Variants in MARCHF1 observed in about 807,000 individuals in gnomAD.
MARCHF1 encodes the protein E3 ubiquitin-protein ligase MARCHF1.
In MARCHF1, 40 loss-of-function variants were observed where a neutral mutation model predicts 54.2. The ratio of observed to expected loss-of-function variants is 0.74; its 90% CI spans 0.57 to 0.96. The LOEUF (loss-of-function observed/expected upper bound fraction) is 0.96, where lower values mean the gene tolerates loss of function less well. MARCHF1 is among the 40% of genes least tolerant of loss of function. MARCHF1 has a pLI of 0.00. For synonymous variants in MARCHF1, 236 were observed against 236.3 expected (o/e 1.00, Z 0.01); for missense variants, 586 against 656.5 (o/e 0.89, Z 1.17).
intron 4 of MARCHF1, among the ~76,000 whole-genome samples, chr4:163,724,361 C>T (rs535049700): frequency 2.6e-5 from 4 of 152,350 alleles, no homozygotes; most frequent in Non-Finnish European, 4.4e-5. Flanking sequence ...CCTGATCGTT[C>T]CTCTGGAAGC....
intron 2 of MARCHF1, among the ~76,000 whole-genome samples, chr4:164,094,561 G>A (rs936387553): frequency 6.6e-6 from 1 of 152,168 alleles, no homozygotes; most frequent in East Asian, 1.9e-4. Context: ...AGAGAGCAAG[G>A]GAATAGGAAT....
chr4:163,713,522 A>T (rs1369190065), intron 4 of MARCHF1, among the ~76,000 whole-genome samples: 1 of 152,188 alleles, frequency 6.6e-6, no homozygotes, highest in African/African-American at 2.4e-5. Flanking sequence ...TTTAGCATGG[A>T]ACATAATGTG....
intron 3 of MARCHF1, among the ~76,000 whole-genome samples, chr4:163,979,850 C>T (rs1272680852): frequency 2.6e-5 from 4 of 151,992 alleles, no homozygotes; most frequent in Admixed American, 2.6e-4. Flanking sequence ...ATGTCCTTCA[C>T]CCACTTTTTG....
intron 3 of MARCHF1, among the ~76,000 whole-genome samples, chr4:163,859,541 A>G (rs1257923915): frequency 6.6e-6 from 1 of 151,950 alleles, no homozygotes; most frequent in Non-Finnish European, 1.5e-5. Flanking sequence ...TTGGATTTTT[A>G]GTAGAGACAG....
At chr4:163,679,452 C>CA (rs1744025779) in intron 5 of MARCHF1, among the ~76,000 whole-genome samples, 1 of 152,226 alleles carries the variant, frequency 6.6e-6, no homozygotes, top group African/African-American at 2.4e-5. Flanking sequence ...ATCTGAACAT[C>CA]ATCTTAGTCT....
chr4:163,722,405 T>C (rs1222598662), intron 4 of MARCHF1, among the ~76,000 whole-genome samples: 1 of 152,222 alleles, frequency 6.6e-6, no homozygotes, highest in Non-Finnish European at 1.5e-5. Context: ...CAGTTTGTTA[T>C]AATTTCTGTT....
chr4:163,584,172 C>T (rs1163775431), intron 8 of MARCHF1: 5 of 150,852 alleles, frequency 3.3e-5, no homozygotes, highest in Non-Finnish European at 7.4e-5. Flanking sequence ...TTCTCAGCAG[C>T]ATGTTTTTTA....
intron 1 of MARCHF1, among the ~76,000 whole-genome samples, chr4:164,296,760 CT>C (rs1361294036): frequency 6.6e-6 from 1 of 152,154 alleles, no homozygotes; most frequent in Non-Finnish European, 1.5e-5. Context: ...ATGCACATCA[CT>C]TGTAATATGG....
intron 3 of MARCHF1, among the ~76,000 whole-genome samples, chr4:163,931,977 T>G (rs1024326614): frequency 6.6e-6 from 1 of 152,208 alleles, no homozygotes; most frequent in African/African-American, 2.4e-5. Flanking sequence ...AATATTGCAA[T>G]AAAGTGAGTC....
At chr4:163,914,637 T>A (rs1360008702) in intron 3 of MARCHF1, among the ~76,000 whole-genome samples, 1 of 152,102 alleles carries the variant, frequency 6.6e-6, no homozygotes, top group African/African-American at 2.4e-5. Flanking sequence ...CCAAGTACAA[T>A]GAAAAATGTC....
intron 1 of MARCHF1, among the ~76,000 whole-genome samples, chr4:164,372,839 C>T (rs776640511): frequency 6.6e-6 from 1 of 151,892 alleles, no homozygotes; most frequent in African/African-American, 2.4e-5. Flanking sequence ...CAAAATGATA[C>T]CAGTCATAAA....
intron 1 of MARCHF1, among the ~76,000 whole-genome samples, chr4:164,320,502 A>G (rs959233691): frequency 5.4e-4 from 82 of 152,310 alleles, no homozygotes; most frequent in African/African-American, 1.8e-3. Context: ...CAGTCTCCAC[A>G]CACAAGCTGA....
chr4:164,259,546 AAAAAAAAAAAAAAAAAAAAG>A (rs1184005709), intron 1 of MARCHF1, among the ~76,000 whole-genome samples: 2 of 116,810 alleles, frequency 1.7e-5, no homozygotes, highest in Non-Finnish European at 3.4e-5. Flanking sequence ...CCGTGTCTCA[AAAAAAAAAAAAAAAAAAAAG>A]AAAAAAGAAA....
chr4:164,367,814 G>A (rs915882724), intron 1 of MARCHF1, among the ~76,000 whole-genome samples: 6 of 151,740 alleles, frequency 4.0e-5, no homozygotes, highest in Non-Finnish European at 8.8e-5. Flanking sequence ...GAAATTGCAT[G>A]AGTCCAGTGC....
At chr4:163,712,040 C>G (rs1163395196) in intron 4 of MARCHF1, among the ~76,000 whole-genome samples, 1 of 152,116 alleles carries the variant, frequency 6.6e-6, no homozygotes, top group Non-Finnish European at 1.5e-5. Context: ...AGGTTTCAAA[C>G]CACTTTCTGT....
rs1039636750 is a variant in MARCHF1 at position 163,527,814 on chromosome 4, ACTAT to A, written c.*930_*933del. ...AACTTGGTTCAAGAAACAGATGTAA[ACTAT>A]CAATCAATCAATCAATTTTTTATAT... On this transcript the variant is annotated 3_prime_UTR_variant, in exon 10 of 10. Coordinates refer to ENST00000514618, the MANE Select transcript of MARCHF1 (RefSeq NM_001394959.1). The A allele has an allele frequency of 2.0e-5, 3 of 149,332 alleles. No homozygotes were observed. The highest frequency in any genetic ancestry group is 2.1e-4 in the South Asian group (1 of 4,664). The allele number at this position is 149,332 out of a possible 1,614,324, so 9.3% of individuals were successfully genotyped here.
chr4:163,871,904 A>T (rs1364417433), intron 3 of MARCHF1, among the ~76,000 whole-genome samples: 2 of 152,224 alleles, frequency 1.3e-5, no homozygotes, highest in Non-Finnish European at 2.9e-5. Context: ...TAATAATTTC[A>T]TGACCTATAA....
intron 1 of MARCHF1, among the ~76,000 whole-genome samples, chr4:164,207,551 A>T (rs1731643024): frequency 6.6e-6 from 1 of 152,228 alleles, no homozygotes; most frequent in African/African-American, 2.4e-5. Flanking sequence ...AAAGAGATAA[A>T]ACCTCACTGA....
chr4:164,017,920 T>C (rs1753579516), intron 2 of MARCHF1, among the ~76,000 whole-genome samples: 1 of 150,804 alleles, frequency 6.6e-6, no homozygotes, highest in South Asian at 2.1e-4. Context: ...GCCACAGGAA[T>C]TAAAACTTTG....
Sources: allele counts gnomAD v4.1 joint callset (sites outside exome capture counted in the v4.1 genomes callset), GRCh38; gene constraint gnomAD v4.1.1; transcripts MANE v1.5; gene names NCBI Gene and HGNC (gene_info 2026-07-23, HGNC 2026-07-21).